AARS1: variants seen among roughly 807,000 people sequenced by gnomAD.
The protein encoded by AARS1 is alanyl-tRNA synthetase 1.
AARS1 carries 72 observed loss-of-function variants against 108.9 expected under a neutral mutation model. That is an observed-to-expected ratio of 0.66 (90% CI 0.55 to 0.80). AARS1 has a LOEUF of 0.80. Among genes scored for constraint, AARS1 ranks in the 30% least tolerant of loss-of-function variants. The pLI is 0.00. For synonymous variants in AARS1, 489 were observed against 465.7 expected (o/e 1.05, Z -0.64); for missense variants, 1,193 against 1,233.2 (o/e 0.97, Z 0.49).
chr16:70,272,041 C>T (rs1960419335), intron 4 of AARS1, 69 bp from the exon 5 acceptor site: 15 of 1,472,202 alleles, frequency 1.0e-5, no homozygotes, highest in South Asian at 5.7e-5. Context: ...TTGCAACCAC[C>T]GCAAAAGAAA....
chr16:70,277,221 C>T (rs1960572478), intron 2 of AARS1, 67 bp from the exon 3 acceptor site: 1 of 1,465,206 alleles, frequency 6.8e-7, no homozygotes, highest in East Asian at 2.3e-5. Flanking sequence ...CACACACTAG[C>T]AGGAAGAGAC....
intron 1 of AARS1, among the ~76,000 whole-genome samples, chr16:70,284,826 T>C (rs1295531999): frequency 2.6e-5 from 4 of 152,208 alleles, no homozygotes; most frequent in Non-Finnish European, 4.4e-5. Context: ...TAATTCACTT[T>C]TGCCTGAGTT....
chr16:70,262,225 G>A, intron 12 of AARS1, 121 bp downstream of exon 12: 1 of 1,244,406 alleles, frequency 8.0e-7, no homozygotes, highest in South Asian at 1.2e-5. Context: ...GAAATACCAT[G>A]GAACCCAACC....
intron 7 of AARS1, 38 bp downstream of exon 7, chr16:70,269,580 T>TG: frequency 6.2e-7 from 1 of 1,611,696 alleles, no homozygotes; most frequent in Non-Finnish European, 8.5e-7. Flanking sequence ...GCACACGTGG[T>TG]GCCGCTCCAA....
intron 1 of AARS1, among the ~76,000 whole-genome samples, chr16:70,286,965 A>C (rs1960860270): frequency 7.0e-6 from 1 of 142,592 alleles, no homozygotes; most frequent in Non-Finnish European, 1.5e-5. Flanking sequence ...AAAATACAAA[A>C]ATTAGGCCGG....
rs747833388 is a variant in AARS1, at chr16:70,252,761, G to C, written c.2867C>G (p.Thr956Ser). ...GCLQEALQLA[T>S]SFAQLRLGDV... is the part of the protein sequence containing the mutation. ...CCCGAGGCGCAGCTGGGCGAAGGAAGTGGCCAGCTGCAGCGCCTCCTGCAG... is the reference window on the plus strand; with the variant it reads ...CCCGAGGCGCAGCTGGGCGAAGGAACTGGCCAGCTGCAGCGCCTCCTGCAG... The change falls in exon 21 of 21, where the codon ACT becomes AGT. Residue 956 changes from threonine to serine, a missense_variant. Physicochemically the swap from Thr to Ser is moderately conservative, Grantham distance 58 (BLOSUM62 1). Coordinates refer to ENST00000261772, the MANE Select transcript of AARS1 (RefSeq NM_001605.3). 2 of 1,614,088 alleles carry C rather than the reference G, an allele frequency of 1.2e-6. No individual in the cohort carries two copies. Among genetic ancestry groups the C allele is most frequent in the African/African-American group, 1.3e-5 (1 of 74,954 alleles).
intron 4 of AARS1, among the ~76,000 whole-genome samples, chr16:70,272,622 T>A (rs1050269555): frequency 1.4e-5 from 2 of 143,384 alleles, no homozygotes; most frequent in African/African-American, 5.2e-5. Context: ...TGCTCGAAAC[T>A]CAATGAAAAT....
chr16:70,253,893 T>G (rs1959911711), intron 18 of AARS1, 26 bp downstream of exon 18: 1 of 1,614,098 alleles, frequency 6.2e-7, no homozygotes, highest in South Asian at 1.1e-5. Flanking sequence ...GGAAACACTC[T>G]GGCCACTGGT....
chr16:70,258,490 T>G (rs1339306841), intron 14 of AARS1, among the ~76,000 whole-genome samples: 1 of 152,118 alleles, frequency 6.6e-6, no homozygotes, highest in South Asian at 2.1e-4. Context: ...GTGGGACAAA[T>G]GCCTCTCCCT....
chr16:70,253,450 C>G, intron 19 of AARS1, 69 bp from the exon 20 acceptor site: 2 of 1,327,916 alleles, frequency 1.5e-6, no homozygotes, highest in Non-Finnish European at 2.2e-6. Context: ...GCATTTGCAG[C>G]CCTCAGAAGG....
At chr16:70,270,133 C>G in intron 6 of AARS1, 63 bp downstream of exon 6, 1 of 1,594,792 alleles carries the variant, frequency 6.3e-7, no homozygotes, top group South Asian at 1.1e-5. Flanking sequence ...TTTGACAGCA[C>G]TGTTAAGAGT....
intron 4 of AARS1, chr16:70,275,989 A>G (rs930911839): frequency 7.0e-6 from 1 of 142,858 alleles, no homozygotes; most frequent in African/African-American, 2.6e-5. Context: ...GGCACGGTGG[A>G]TTACCTGAGG....
At chr16:70,254,532 G>A in intron 17 of AARS1, 89 bp downstream of exon 17, 5 of 955,836 alleles carry the variant, frequency 5.2e-6, no homozygotes, top group Non-Finnish European at 8.5e-6. Context: ...CCAAGAACCA[G>A]GGCCTGACTG....
Position 70,252,518 on chromosome 16 carries a change from G to C in AARS1, c.*203C>G. The C allele has an allele frequency of 1.6e-6, 1 of 618,298 alleles. No individual in the cohort carries two copies. The highest frequency in any genetic ancestry group is 2.9e-6 in the Non-Finnish European group (1 of 348,308). 38.3% of individuals were successfully genotyped at this position (618,298 alleles called of 1,614,324 possible). Reference sequence around the variant, plus strand: ...GATCAACAGCAATGCGGGGTTAGTGGTTCTAGACCGATGGCACTGACGTGG... The same window carrying C: ...GATCAACAGCAATGCGGGGTTAGTGCTTCTAGACCGATGGCACTGACGTGG... On this transcript the variant is annotated 3_prime_UTR_variant, in exon 21 of 21. Transcript: ENST00000261772.
In AARS1 at chr16:70,276,460, T is replaced by G. The variant is rs182247601; in HGVS notation, c.479+26A>C. 11 of 1,613,188 alleles carry G rather than the reference T, an allele frequency of 6.8e-6. No individual in the cohort carries two copies. In the African/African-American group the frequency reaches 1.3e-4, roughly 20 times the overall value. On this transcript the variant is annotated intron_variant, in intron 4 of 20. Transcript: ENST00000261772. ...TGAGTGTCATTTCACTCCTCCATAC[T>G]CTCAAGAAGTGATGTGCATTCTTAC...
chr16:70,287,047 C>A (rs775203), intron 1 of AARS1, among the ~76,000 whole-genome samples: 2 of 151,410 alleles, frequency 1.3e-5, no homozygotes, highest in African/African-American at 4.8e-5. Flanking sequence ...GTCAGGAGAT[C>A]GAGACCATCC....
rs2152160643 is a variant in AARS1, at chr16:70,268,270, C to T, written c.1071+1G>A. ...AAGGGTAAGCAGAGAAATAAACCTACCAGGGACTGGACGACAACATCCACT... is the reference window on the plus strand; with the variant it reads ...AAGGGTAAGCAGAGAAATAAACCTATCAGGGACTGGACGACAACATCCACT... On this transcript the variant is annotated splice_donor_variant, in intron 8 of 20. Coordinates refer to ENST00000261772, the MANE Select transcript of AARS1 (RefSeq NM_001605.3). LOFTEE classifies it high-confidence loss of function. 1.9e-6 allele frequency: 3 copies of T among 1,613,782 alleles called. No homozygotes were observed. The highest frequency in any genetic ancestry group is 1.7e-6 in the Non-Finnish European group (2 of 1,179,662).
chr16:70,283,577 T>G (rs575678896), intron 1 of AARS1, among the ~76,000 whole-genome samples: 1 of 152,094 alleles, frequency 6.6e-6, no homozygotes, highest in East Asian at 1.9e-4. Context: ...TCTCTAAAGA[T>G]CCCTTCAGCT....
intron 11 of AARS1, among the ~76,000 whole-genome samples, chr16:70,264,318 CTTTTTCTTTTTCCCCGAGACGGAAT>C (rs1960213087): frequency 2.0e-5 from 3 of 151,562 alleles, no homozygotes; most frequent in Non-Finnish European, 4.4e-5. Flanking sequence ...TAATAGCATT[CTTTTTCTTTTTCCCCGAGACGGAAT>C]TTCACTCTTG....
Sources: gnomAD v4.1 joint callset for allele counts (sites outside exome capture counted in the v4.1 genomes callset) on GRCh38, gnomAD v4.1.1 for gene constraint, MANE v1.5 for transcripts, NCBI Gene and HGNC (gene_info 2026-07-23, HGNC 2026-07-21) for gene names.